TOX2: variants seen among roughly 807,000 people sequenced by gnomAD.
TOX2 encodes the protein TOX high mobility group box family member 2, also known as granulosa cell HMG box 1.
In TOX2, 15 loss-of-function variants were observed where a neutral mutation model predicts 47.4. That is an observed-to-expected ratio of 0.32 (90% confidence interval 0.21 to 0.49). The LOEUF is 0.49. Ranked by LOEUF, TOX2 falls within the 20% of genes least tolerant of loss-of-function variation. TOX2 has a pLI of 0.99. For missense variants in TOX2, 622 were observed against 673.1 expected (o/e 0.92, Z 0.84); for synonymous variants, 290 against 296.6 (o/e 0.98, Z 0.23).
At chr20:44,058,558 A>G (rs1367266990) in intron 5 of TOX2, among the ~76,000 whole-genome samples, 1 of 152,212 alleles carries the variant, frequency 6.6e-6, no homozygotes, top group Non-Finnish European at 1.5e-5. Flanking sequence ...GATGTGCTCT[A>G]GAAAGTGCTA....
At chr20:44,002,223 A>T (rs766711459) in intron 2 of TOX2, among the ~76,000 whole-genome samples, 36 of 152,268 alleles carry the variant, frequency 2.4e-4, no homozygotes, top group Non-Finnish European at 4.7e-4. Flanking sequence ...TGCTCCCTAT[A>T]CAATTCCTTG....
intron 3 of TOX2, among the ~76,000 whole-genome samples, chr20:44,008,799 A>T (rs750632911): frequency 1.5e-4 from 22 of 150,828 alleles, no homozygotes; most frequent in Middle Eastern, 3.7e-3. Context: ...AAACTTATAC[A>T]AAAGAGTATG....
intron 3 of TOX2, among the ~76,000 whole-genome samples, chr20:44,041,346 G>C (rs114520949): frequency 0.02 from 2,971 of 152,314 alleles, 105 homozygotes; most frequent in African/African-American, 0.068. Flanking sequence ...CATGGTAAAG[G>C]GGGCGGGGTC....
At chr20:44,011,772 C>A (rs774318844) in intron 3 of TOX2, among the ~76,000 whole-genome samples, 1 of 152,210 alleles carries the variant, frequency 6.6e-6, no homozygotes, top group Non-Finnish European at 1.5e-5. Context: ...CATTTGACAG[C>A]CATCTCATAA....
chr20:43,932,083 G>A (rs1409591230), intron 1 of TOX2, among the ~76,000 whole-genome samples: 2 of 152,126 alleles, frequency 1.3e-5, no homozygotes, highest in Non-Finnish European at 2.9e-5. Flanking sequence ...TCTGGGGTAT[G>A]GTGGAGAGTG....
At chr20:44,012,347 A>G (rs905870607) in intron 3 of TOX2, among the ~76,000 whole-genome samples, 5 of 152,160 alleles carry the variant, frequency 3.3e-5, no homozygotes, top group Admixed American at 6.5e-5. Context: ...TTCCTGGGGA[A>G]CCTGCATCTT....
intron 3 of TOX2, among the ~76,000 whole-genome samples, chr20:44,033,180 C>T (rs926534618): frequency 2.6e-5 from 4 of 152,148 alleles, no homozygotes; most frequent in South Asian, 2.1e-4. Flanking sequence ...GACGAGGCTT[C>T]GGGGCCAGAG....
At chr20:44,025,488 C>G (rs1298820954) in intron 3 of TOX2, among the ~76,000 whole-genome samples, 2 of 148,734 alleles carry the variant, frequency 1.3e-5, no homozygotes, top group African/African-American at 5.0e-5. Flanking sequence ...CAGGTTGCTG[C>G]TCCAGTGAAG....
Position 43,973,349 on chromosome 20 carries a change from C to T in TOX2, c.100-18C>T. The T allele has an allele frequency of 6.2e-7, 1 of 1,613,020 alleles. No homozygotes were observed. Among genetic ancestry groups the T allele is most frequent in the Non-Finnish European group, 8.5e-7 (1 of 1,179,050 alleles). ...AGCATTTTAATCAGAGCTGCTTCTC[C>T]CTCTCTCTCTATTCTAGTTTGATGG... On this transcript the variant is annotated intron_variant, in intron 1 of 8. Transcript: ENST00000341197.
chr20:43,960,905 A>G (rs901881946), intron 1 of TOX2, among the ~76,000 whole-genome samples: 9 of 152,342 alleles, frequency 5.9e-5, no homozygotes, highest in South Asian at 4.1e-4. Flanking sequence ...CTCAGAGGGC[A>G]TCACCCATTC....
chr20:43,952,180 CGT>C (rs1381966028), intron 1 of TOX2, among the ~76,000 whole-genome samples: 2 of 152,044 alleles, frequency 1.3e-5, no homozygotes, highest in African/African-American at 4.8e-5. Context: ...GAATTACAGG[CGT>C]GAGCCACTGC....
chr20:44,037,640 C>T (rs559354444), intron 3 of TOX2, among the ~76,000 whole-genome samples: 2 of 152,102 alleles, frequency 1.3e-5, no homozygotes, highest in South Asian at 4.2e-4. Flanking sequence ...TAGCATGGTT[C>T]CTGGGGTGTA....
chr20:43,927,630 T>TCCTCCCCTTCCCTTCCCTTCC (rs1569003484), intron 1 of TOX2, among the ~76,000 whole-genome samples: 3 of 127,280 alleles, frequency 2.4e-5, no homozygotes, highest in African/African-American at 9.2e-5. Context: ...CCTTCCTCCT[T>TCCTCCCCTTCCCTTCCCTTCC]CCTTCCTTCC....
chr20:44,040,620 T>C (rs770704858), intron 3 of TOX2, among the ~76,000 whole-genome samples: 1 of 152,194 alleles, frequency 6.6e-6, no homozygotes, highest in African/African-American at 2.4e-5. Flanking sequence ...TGTGATTAAA[T>C]GAGTCATAAG....
intron 2 of TOX2, among the ~76,000 whole-genome samples, chr20:43,999,480 T>C (rs2070538172): frequency 6.6e-6 from 1 of 152,042 alleles, no homozygotes; most frequent in Non-Finnish European, 1.5e-5. Context: ...ATTCCATATA[T>C]AATAACATCT....
intron 3 of TOX2, among the ~76,000 whole-genome samples, chr20:44,037,965 G>T (rs2071267441): frequency 6.6e-6 from 1 of 152,192 alleles, no homozygotes; most frequent in Admixed American, 6.5e-5. Flanking sequence ...CTAGAGACTT[G>T]TTGAATGGTT....
chr20:43,996,773 G>A (rs990319016), intron 2 of TOX2, among the ~76,000 whole-genome samples: 2 of 149,530 alleles, frequency 1.3e-5, no homozygotes, highest in African/African-American at 5.1e-5. Flanking sequence ...TGAGTAGTAG[G>A]CAGTTTGGAT....
chr20:44,006,457 G>A (rs369094835), intron 2 of TOX2, 90 bp from the exon 3 acceptor site: 172 of 1,521,818 alleles, frequency 1.1e-4, no homozygotes, highest in Middle Eastern at 1.8e-4. Flanking sequence ...GGTTGCTATC[G>A]TTATTATTGT....
chr20:44,061,384 G>GA (rs1456717739), intron 5 of TOX2, among the ~76,000 whole-genome samples: 1 of 152,010 alleles, frequency 6.6e-6, no homozygotes, highest in African/African-American at 2.4e-5. Context: ...CCCAAACCAG[G>GA]AAAGGACATA....
Sources: allele counts gnomAD v4.1 joint callset (sites outside exome capture counted in the v4.1 genomes callset), GRCh38; gene constraint gnomAD v4.1.1; transcripts MANE v1.5; gene names NCBI Gene and HGNC (gene_info 2026-07-23, HGNC 2026-07-21).